Variants in CLCA4 observed in about 807,000 individuals in gnomAD.
CLCA4 encodes the protein calcium-activated chloride channel regulator 4.
CLCA4 carries 69 observed loss-of-function variants against 78.9 expected under a neutral mutation model. The observed-to-expected ratio is 0.87, with a 90% confidence interval of 0.72 to 1.07. CLCA4 has a LOEUF of 1.07. Ranked by LOEUF, CLCA4 falls within the 50% of genes least tolerant of loss-of-function variation. CLCA4 has a pLI of 0.00. For synonymous variants in CLCA4, 362 were observed against 375.8 expected, an observed-to-expected ratio of 0.96 and a Z score of 0.42; for missense variants, 1,133 against 1,095.8, an observed-to-expected ratio of 1.03 and a Z score of -0.48.
chr1:86,571,101 C>A lies in CLCA4; in HGVS notation c.1207C>A (p.Leu403Ile). 1 of 1,611,792 alleles carries A rather than the reference C, an allele frequency of 6.2e-7. No individual in the cohort carries two copies. The highest frequency in any genetic ancestry group is 8.5e-7 in the Non-Finnish European group (1 of 1,178,306). ...FQVIGELHSQ[L>I]DGSEVLLLTD... ...GGTGATTGGAGAGCTACATTCCCAA[C>A]TCGATGGATCCGAAGTACTGCTGCT... Residue 403 changes from leucine (L) to isoleucine (I), a missense_variant, in exon 8 of 14, where the codon CTC (leucine) becomes ATC (isoleucine). Coordinates refer to ENST00000370563, the MANE Select transcript of CLCA4 (RefSeq NM_012128.4).
chr1:86,554,086 C>T (rs1470197593), intron 1 of CLCA4, among the ~76,000 whole-genome samples: 2 of 152,084 alleles, frequency 1.3e-5, no homozygotes, highest in African/African-American at 4.8e-5. Flanking sequence ...TACTTCATCA[C>T]CAGGTATTAA....
At position 86,565,281 on chromosome 1, in the gene CLCA4, G is replaced by T. The variant is rs372259034; in HGVS notation, c.565G>T (p.Ala189Ser). 1 of 1,589,046 alleles carries T rather than the reference G, an allele frequency of 6.3e-7. No individual in the cohort carries two copies. The highest frequency in any genetic ancestry group is 1.2e-5 in the South Asian group (1 of 86,348). The change falls in exon 5 of 14, where the codon GCA (alanine) becomes TCA (serine). Residue 189 changes from alanine (A) to serine (S), a missense_variant. By Grantham distance (99) the Ala-to-Ser change is moderately conservative. Transcript: ENST00000370563. ...SKKIEATRCS[A>S]GISGRNRVYK... is the part of the protein sequence containing the mutation. ...ACTGTCATATATTTTCAGGTGTTCC[G>T]CAGGTATCTCTGGTAGAAATAGAGT...
chr1:86,563,274 C>T (rs1018197194), intron 3 of CLCA4, among the ~76,000 whole-genome samples: 44 of 150,418 alleles, frequency 2.9e-4, no homozygotes, highest in Non-Finnish European at 5.0e-4. Flanking sequence ...ATAATTAATG[C>T]CTATGTGTCT....
chr1:86,552,690 AC>A, intron 1 of CLCA4: 1 of 1,121,250 alleles, frequency 8.9e-7, no homozygotes, highest in Non-Finnish European at 1.3e-6. Context: ...GAGCTGGGGC[AC>A]GGGGTGACCG....
chr1:86,579,646 G>A lies in CLCA4; in HGVS notation c.2356+59G>A, dbSNP rs562367191. 3.9e-5 allele frequency: 46 copies of A among 1,190,064 alleles called. No homozygotes were observed. The African/African-American group carries it at 6.6e-4, about 17-fold the overall frequency. 73.7% of individuals were successfully genotyped at this position (1,190,064 alleles called of 1,614,324 possible). A position where few individuals can be genotyped will look rare whatever the true frequency, so the allele number is the denominator to read the frequency against. On this transcript the variant is annotated intron_variant, in intron 13 of 13. Coordinates refer to ENST00000370563, the MANE Select transcript of CLCA4 (RefSeq NM_012128.4). ...GTAAAAGGTGCTAATTGCAAAAACA[G>A]GGGTGTAAGGGTGGGTGGGGGGAGA...
chr1:86,565,337 T>C lies in CLCA4; in HGVS notation c.621T>C (p.Ser207=), dbSNP rs772967347. The change falls in exon 5 of 14, where the codon AGT becomes AGC. Residue 207 remains serine (S), a synonymous_variant. Transcript: ENST00000370563. Reference sequence around the variant, plus strand: ...AGTGTCAAGGAGGCAGCTGTCTTAGTAGAGCATGCAGAATTGATTCTACAA... The same window carrying C: ...AGTGTCAAGGAGGCAGCTGTCTTAGCAGAGCATGCAGAATTGATTCTACAA... The part of the protein sequence containing the change: ...VYKCQGGSCL[S]RACRIDSTTK... 6 of 1,610,526 alleles carry C rather than the reference T, an allele frequency of 3.7e-6. No homozygotes were observed. In the Admixed American group the frequency reaches 8.4e-5, roughly 22 times the overall value.
rs770599952 is a variant in CLCA4 at position 86,565,794 on chromosome 1, C to T, written c.736-8C>T. On this transcript the variant is annotated splice_polypyrimidine_tract_variant and splice_region_variant and intron_variant, in intron 5 of 13. Coordinates refer to ENST00000370563, the MANE Select transcript of CLCA4 (RefSeq NM_012128.4). Reference sequence around the variant, plus strand: ...TTAAAATTATTTTTTATTTTATTAACCTTTTAGGTTGTTGAATTTTGTAAC... The same window carrying T: ...TTAAAATTATTTTTTATTTTATTAATCTTTTAGGTTGTTGAATTTTGTAAC... 4.8e-6 allele frequency: 7 copies of T among 1,467,366 alleles called. No homozygotes were observed. The highest frequency in any genetic ancestry group is 6.4e-6 in the Non-Finnish European group (7 of 1,094,576). The allele number at this position is 1,467,366 out of a possible 1,614,324, so 90.9% of individuals were successfully genotyped here.
At chr1:86,577,865 T>C (rs879590867) in intron 11 of CLCA4, 37 bp from the exon 12 acceptor site, 1 of 1,576,194 alleles carries the variant, frequency 6.3e-7, no homozygotes. Flanking sequence ...GCAAAATTTC[T>C]CTTTACAAGA....
intron 1 of CLCA4, among the ~76,000 whole-genome samples, chr1:86,557,432 G>A (rs2101796025): frequency 6.6e-6 from 1 of 152,266 alleles, no homozygotes; most frequent in East Asian, 1.9e-4. Context: ...TAGTTTTGAA[G>A]AACATCTTGA....
chr1:86,554,781 C>G (rs1402857958), intron 1 of CLCA4, among the ~76,000 whole-genome samples: 2 of 152,008 alleles, frequency 1.3e-5, no homozygotes, highest in African/African-American at 4.8e-5. Flanking sequence ...ATATTGCTTT[C>G]CACAGTGGTT....
rs190923439 is a variant in CLCA4, at chr1:86,556,596, G to C, written c.160-3336G>C. Reference sequence around the variant, plus strand: ...GCTGGATTCGGTTTGCCAGTATTTTGTTGAGAATTTTTGCATCAATGTTCA... The same window carrying C: ...GCTGGATTCGGTTTGCCAGTATTTTCTTGAGAATTTTTGCATCAATGTTCA... On this transcript the variant is annotated intron_variant, in intron 1 of 13. Coordinates refer to ENST00000370563, the MANE Select transcript of CLCA4 (RefSeq NM_012128.4). Among the ~76,000 whole-genome samples, 15 of 152,146 alleles carry C rather than the reference G, an allele frequency of 9.9e-5. No homozygotes were observed. The East Asian group carries it at 2.9e-3, about 29-fold the overall frequency.
At chr1:86,567,788 G>A (rs1433198089) in intron 7 of CLCA4, 137 bp downstream of exon 7, 2 of 673,472 alleles carry the variant, frequency 3.0e-6, no homozygotes, top group Non-Finnish European at 4.9e-6. Context: ...TAAGCATATA[G>A]AAAAAAGTTC....
At chr1:86,552,983 G>C (rs950718766) in intron 1 of CLCA4, 8 of 624,710 alleles carry the variant, frequency 1.3e-5, no homozygotes, top group African/African-American at 5.5e-5. Context: ...ACTGAGCCCT[G>C]TGCGTGGCCG....
In CLCA4 at chr1:86,567,533, T is replaced by A; in HGVS notation, c.1064T>A (p.Ile355Asn). 1.9e-6 allele frequency: 3 copies of A among 1,613,200 alleles called. No homozygotes were observed. Among genetic ancestry groups the A allele is most frequent in the Non-Finnish European group, 2.5e-6 (3 of 1,179,306 alleles). Residue 355 changes from isoleucine (I) to asparagine (N), a missense_variant, in exon 7 of 14, where the codon ATT (isoleucine) becomes AAT (asparagine). Transcript: ENST00000370563. ...GTTCACTTTGATAGTACTGCCACTATTGTAAATAAGCTAATCCAAATAAAA... is the reference window on the plus strand; with the variant it reads ...GTTCACTTTGATAGTACTGCCACTAATGTAAATAAGCTAATCCAAATAAAA... ...GMVHFDSTAT[I>N]VNKLIQIKSS...
rs112209907 is a variant in CLCA4 at position 86,568,746 on chromosome 1, G to A, written c.1182+1095G>A. On this transcript the variant is annotated intron_variant, in intron 7 of 13. Coordinates refer to ENST00000370563, the MANE Select transcript of CLCA4 (RefSeq NM_012128.4). ...ACATGCAAGTTCCTCTACTTAAAAT[G>A]CTTCCTTTTCTCCCAACTCTGCATG... 3.2e-3 allele frequency among the ~76,000 whole-genome samples: 483 copies of A among 151,978 alleles called. 3 individuals are homozygous for A. Among genetic ancestry groups the A allele is most frequent in the African/African-American group, 0.011 (456 of 41,490 alleles).
At chr1:86,569,816 T>C (rs1414194976) in intron 7 of CLCA4, among the ~76,000 whole-genome samples, 1 of 151,968 alleles carries the variant, frequency 6.6e-6, no homozygotes, top group Non-Finnish European at 1.5e-5. Flanking sequence ...CAATTATTTA[T>C]TAATATATGA....
Position 86,578,052 on chromosome 1 carries a change from T to C in CLCA4, c.2102T>C (p.Ile701Thr), listed in dbSNP as rs778210228. Residue 701 changes from isoleucine to threonine, a missense_variant, in exon 12 of 14, where the codon ATA becomes ACA. Coordinates refer to ENST00000370563, the MANE Select transcript of CLCA4 (RefSeq NM_012128.4). The stretch of plus-strand genomic sequence containing the variant: ...CCTCCACTGAATAGAGCCGCGTACA[T>C]ACCAGGCTGGGTAGTGAACGGTGAG... The part of the protein sequence containing the change: ...LRPPLNRAAY[I>T]PGWVVNGEIE... 20 of 1,611,990 alleles carry C rather than the reference T, an allele frequency of 1.2e-5. No individual in the cohort carries two copies. The South Asian group carries it at 2.1e-4, about 17-fold the overall frequency.
rs781141988 is a variant in CLCA4 at position 86,575,471 on chromosome 1, C to T, written c.1823C>T (p.Pro608Leu). ...AKMNKDVNSF[P>L]SPMIVYAEIL... is the part of the protein sequence containing the mutation. ...ATGAATAAGGACGTAAACAGTTTCC[C>T]CAGCCCAATGATTGTTTACGCAGAA... is the stretch of plus-strand genomic sequence containing the variant. Residue 608 changes from proline to leucine, a missense_variant, in exon 11 of 14, where the codon CCC (proline) becomes CTC (leucine). Physicochemically the swap from Pro to Leu is moderately conservative, Grantham distance 98. Coordinates refer to ENST00000370563, the MANE Select transcript of CLCA4 (RefSeq NM_012128.4). 1 of 1,613,516 alleles carries T rather than the reference C, an allele frequency of 6.2e-7. No individual in the cohort carries two copies. The highest frequency in any genetic ancestry group is 1.7e-5 in the Admixed American group (1 of 59,934).
chr1:86,571,036 G>T, intron 7 of CLCA4, 41 bp from the exon 8 acceptor site: 2 of 1,474,020 alleles, frequency 1.4e-6, no homozygotes, highest in Non-Finnish European at 1.9e-6. Flanking sequence ...ATTTGATCTA[G>T]GAACATCTGT....
Sources: gnomAD v4.1 joint callset for allele counts (sites outside exome capture counted in the v4.1 genomes callset) on GRCh38, gnomAD v4.1.1 for gene constraint, MANE v1.5 for transcripts, NCBI Gene and HGNC (gene_info 2026-07-23, HGNC 2026-07-21) for gene names.